ADK: variants seen among roughly 807,000 people sequenced by gnomAD.
ADK encodes the protein N6,N6-dimethyladenosine kinase.
ADK carries 24 observed loss-of-function variants against 44.7 expected under a neutral mutation model. The ratio of observed to expected loss-of-function variants is 0.54; its 90% CI spans 0.39 to 0.76. The LOEUF (loss-of-function observed/expected upper bound fraction) is 0.76. Ranked by LOEUF, ADK falls within the 30% of genes least tolerant of loss-of-function variation. The pLI, the probability that ADK is intolerant of heterozygous loss-of-function variation, is 0.00. For missense variants in ADK, 321 were observed against 425.1 expected (o/e 0.76, Z 2.15); for synonymous variants, 128 against 142.6 (o/e 0.90, Z 0.73).
rs189017072 is a variant in ADK, at chr10:74,605,267, C to A, written c.877+4774C>A. ...TCTTGCCTGATTGCCCTGGTCAGAA[C>A]TTCCAATACCATGTTGAATAGGAGT... On this transcript the variant is annotated intron_variant, in intron 9 of 10. Transcript: ENST00000539909. 2.6e-3 allele frequency among the ~76,000 whole-genome samples: 401 copies of A among 152,308 alleles called. 4 individuals are homozygous for A. Among genetic ancestry groups the A allele is most frequent in the African/African-American group, 9.2e-3 (384 of 41,570 alleles).
chr10:74,389,157 G>A (rs1843254917), intron 4 of ADK, among the ~76,000 whole-genome samples: 1 of 152,198 alleles, frequency 6.6e-6, no homozygotes, highest in African/African-American at 2.4e-5. Flanking sequence ...CAGAGCAGAA[G>A]TTAAAGTTTT....
At chr10:74,224,612 G>T in intron 3 of ADK, 21 bp downstream of exon 3, 1 of 1,594,574 alleles carries the variant, frequency 6.3e-7, no homozygotes, top group Non-Finnish European at 8.6e-7. Context: ...TAAACCATTG[G>T]TTGTAAATAG....
At chr10:74,235,078 C>T (rs578119360) in intron 3 of ADK, among the ~76,000 whole-genome samples, 2 of 150,670 alleles carry the variant, frequency 1.3e-5, no homozygotes, top group East Asian at 3.9e-4. Context: ...TGATGGAAGC[C>T]CTAGGGGAAA....
chr10:74,547,446 ATT>A (rs1491527047), intron 7 of ADK, among the ~76,000 whole-genome samples: 776 of 23,340 alleles, frequency 0.033, 3 homozygotes, highest in Middle Eastern at 0.17. Context: ...ATATATATAT[ATT>A]TATTTATTTA....
chr10:74,535,959 AT>A (rs1849435029), intron 7 of ADK, among the ~76,000 whole-genome samples: 1 of 152,066 alleles, frequency 6.6e-6, no homozygotes, highest in African/African-American at 2.4e-5. Flanking sequence ...TATGAAAGCT[AT>A]TTTTTGTTCC....
chr10:74,381,347 T>C (rs1842971595), intron 4 of ADK, among the ~76,000 whole-genome samples: 1 of 152,228 alleles, frequency 6.6e-6, no homozygotes, highest in African/African-American at 2.4e-5. Flanking sequence ...GTTTCATGTA[T>C]TGGGAGTTCT....
intron 3 of ADK, among the ~76,000 whole-genome samples, chr10:74,301,332 G>A (rs1327923929): frequency 6.6e-5 from 10 of 151,874 alleles, no homozygotes; most frequent in Admixed American, 6.6e-4. Flanking sequence ...GGCCAATATG[G>A]TTAATCCCCA....
intron 4 of ADK, among the ~76,000 whole-genome samples, chr10:74,336,234 G>GT (rs1306048565): frequency 1.3e-5 from 2 of 152,068 alleles, no homozygotes; most frequent in Non-Finnish European, 2.9e-5. Context: ...TTTTGCTATT[G>GT]TTTTTTGCTT....
At chr10:74,667,232 GTCA>G (rs569955419) in intron 9 of ADK, among the ~76,000 whole-genome samples, 50 of 152,226 alleles carry the variant, frequency 3.3e-4, no homozygotes, top group African/African-American at 1.2e-3. Flanking sequence ...ATTTTTCAGA[GTCA>G]TCATTTTGAA....
chr10:74,201,566 A>G (rs898680094), intron 2 of ADK, among the ~76,000 whole-genome samples: 2 of 152,076 alleles, frequency 1.3e-5, no homozygotes, highest in African/African-American at 2.4e-5. Flanking sequence ...CTAATTTATA[A>G]ATGAAACTTT....
At chr10:74,475,692 C>T (rs1371012106) in intron 6 of ADK, among the ~76,000 whole-genome samples, 1 of 151,084 alleles carries the variant, frequency 6.6e-6, no homozygotes, top group East Asian at 1.9e-4. Context: ...GGTGACAGAG[C>T]AAGGCCCTGT....
intron 6 of ADK, among the ~76,000 whole-genome samples, chr10:74,430,951 G>A (rs1844967081): frequency 6.6e-6 from 1 of 151,696 alleles, no homozygotes; most frequent in Non-Finnish European, 1.5e-5. Context: ...AATAGATGGT[G>A]GTTGGGCAAG....
At chr10:74,366,545 C>T (rs1471315705) in intron 4 of ADK, among the ~76,000 whole-genome samples, 1 of 152,014 alleles carries the variant, frequency 6.6e-6, no homozygotes, top group African/African-American at 2.4e-5. Flanking sequence ...ATAAAATTTT[C>T]GTTGAGACTA....
chr10:74,411,749 A>T (rs1844185806), intron 6 of ADK, among the ~76,000 whole-genome samples: 1 of 152,218 alleles, frequency 6.6e-6, no homozygotes, highest in African/African-American at 2.4e-5. Context: ...TTCATAAAAG[A>T]TTTCTCTGTA....
At chr10:74,693,560 TTC>T (rs1856065416) in intron 10 of ADK, among the ~76,000 whole-genome samples, 1 of 149,452 alleles carries the variant, frequency 6.7e-6, no homozygotes, top group African/African-American at 2.5e-5. Flanking sequence ...TCCTTCTTAA[TTC>T]TGTTAGGAAT....
At chr10:74,454,603 C>T (rs1398663853) in intron 6 of ADK, among the ~76,000 whole-genome samples, 3 of 152,052 alleles carry the variant, frequency 2.0e-5, no homozygotes, top group Admixed American at 6.6e-5. Flanking sequence ...AAAAAAATAT[C>T]TTTCCCTCCT....
intron 6 of ADK, among the ~76,000 whole-genome samples, chr10:74,488,842 A>G (rs976976405): frequency 6.6e-5 from 10 of 151,854 alleles, no homozygotes; most frequent in African/African-American, 1.2e-4. Flanking sequence ...GAGGCGCTCT[A>G]TTGAGATTGT....
chr10:74,542,328 G>A (rs1849667199), intron 7 of ADK, among the ~76,000 whole-genome samples: 1 of 152,256 alleles, frequency 6.6e-6, no homozygotes, highest in Non-Finnish European at 1.5e-5. Flanking sequence ...GATAATAAGT[G>A]TTTGTTATTT....
intron 6 of ADK, among the ~76,000 whole-genome samples, chr10:74,441,227 T>C (rs1386225120): frequency 6.6e-6 from 1 of 152,188 alleles, no homozygotes; most frequent in Non-Finnish European, 1.5e-5. Context: ...ATGTGAGCTT[T>C]ATCTTAACAC....
Sources: allele counts gnomAD v4.1 joint callset (sites outside exome capture counted in the v4.1 genomes callset), GRCh38; gene constraint gnomAD v4.1.1; transcripts MANE v1.5; gene names NCBI Gene and HGNC (gene_info 2026-07-23, HGNC 2026-07-21).